KIF6: variants seen among roughly 807,000 people sequenced by gnomAD.
KIF6 encodes kinesin-like protein KIF6.
KIF6 carries 106 observed loss-of-function variants against 112.7 expected under a neutral mutation model. The ratio of observed to expected loss-of-function variants is 0.94; its 90% CI spans 0.80 to 1.11. The LOEUF is 1.11. Ranked by LOEUF, KIF6 falls within the 50% of genes least tolerant of loss-of-function variation. KIF6 has a pLI of 0.00. For missense variants in KIF6, 929 were observed against 964.0 expected, an observed-to-expected ratio of 0.96 and a Z score of 0.48; for synonymous variants, 339 against 339.9, an observed-to-expected ratio of 1.00 and a Z score of 0.03.
At position 39,714,679 on chromosome 6, in the gene KIF6, T is replaced by C. The variant is rs748850843; in HGVS notation, c.251+13A>G. 19 of 1,606,596 alleles carry C rather than the reference T, an allele frequency of 1.2e-5. No individual in the cohort carries two copies. The highest frequency in any genetic ancestry group is 1.5e-5 in the Non-Finnish European group (18 of 1,173,374). On this transcript the variant is annotated intron_variant, in intron 3 of 22. Coordinates refer to ENST00000287152, the MANE Select transcript of KIF6 (RefSeq NM_145027.6). ...AACCACGAGCCCACTGAACAAAATA[T>C]GGGAAATCCTACCTCCCAGCAACTG...
intron 3 of KIF6, among the ~76,000 whole-genome samples, chr6:39,640,772 T>C (rs1784859929): frequency 6.6e-6 from 1 of 152,156 alleles, no homozygotes; most frequent in South Asian, 2.1e-4. Context: ...TATTCTGAAG[T>C]GGTCACTTAT....
At chr6:39,714,268 C>A (rs1789707545) in intron 3 of KIF6, among the ~76,000 whole-genome samples, 1 of 152,128 alleles carries the variant, frequency 6.6e-6, no homozygotes, top group African/African-American at 2.4e-5. Flanking sequence ...CATTAGGCAG[C>A]CTCCCAGGTG....
At position 39,456,841 on chromosome 6, in the gene KIF6, C is replaced by A. The variant is rs1225548645; in HGVS notation, c.1646-25680G>T. Among the ~76,000 whole-genome samples, 22 of 148,180 alleles carry A rather than the reference C, an allele frequency of 1.5e-4. 1 individual carries two copies. In the South Asian group the frequency reaches 3.7e-3, roughly 25 times the overall value. ...GCTAACTATCCTAAATATATATGCA[C>A]CCAATACAGGAGCACCCAGATTCAT... On this transcript the variant is annotated intron_variant, in intron 13 of 22. Transcript: ENST00000287152.
chr6:39,429,231 TC>T (rs1770968750), intron 14 of KIF6, among the ~76,000 whole-genome samples: 1 of 152,214 alleles, frequency 6.6e-6, no homozygotes, highest in Non-Finnish European at 1.5e-5. Context: ...TTTTCCTTCT[TC>T]CGGGTCTACC....
chr6:39,442,982 CG>C (rs1313481294), intron 13 of KIF6, among the ~76,000 whole-genome samples: 1 of 151,618 alleles, frequency 6.6e-6, no homozygotes, highest in Non-Finnish European at 1.5e-5. Flanking sequence ...GGCGTGGTGG[CG>C]GGCACCTGTA....
chr6:39,596,295 C>A, intron 6 of KIF6, 35 bp from the exon 7 acceptor site: 1 of 1,369,188 alleles, frequency 7.3e-7, no homozygotes, highest in Non-Finnish European at 1.0e-6. Flanking sequence ...ATTATTTGAA[C>A]AATGAAAATT....
At chr6:39,500,521 A>G (rs1034457033) in intron 13 of KIF6, among the ~76,000 whole-genome samples, 1 of 152,196 alleles carries the variant, frequency 6.6e-6, no homozygotes, top group Non-Finnish European at 1.5e-5. Flanking sequence ...ATTTTATTAA[A>G]GGTGCTAATT....
At chr6:39,669,683 T>C (rs1441208837) in intron 3 of KIF6, among the ~76,000 whole-genome samples, 3 of 152,246 alleles carry the variant, frequency 2.0e-5, no homozygotes, top group Non-Finnish European at 4.4e-5. Flanking sequence ...TAAGAAGTAC[T>C]GTTCCCCGGA....
chr6:39,661,093 A>T (rs1019270701), intron 3 of KIF6, among the ~76,000 whole-genome samples: 5 of 152,216 alleles, frequency 3.3e-5, no homozygotes, highest in African/African-American at 1.2e-4. Flanking sequence ...ACTGTTTCAA[A>T]ATGAACCTAC....
intron 13 of KIF6, among the ~76,000 whole-genome samples, chr6:39,532,442 G>C (rs1778130337): frequency 6.6e-6 from 1 of 152,108 alleles, no homozygotes; most frequent in Admixed American, 6.5e-5. Flanking sequence ...AATGAATTCA[G>C]CAATCCAGAT....
chr6:39,419,451 G>A (rs1193671927), intron 15 of KIF6, among the ~76,000 whole-genome samples: 1 of 152,070 alleles, frequency 6.6e-6, no homozygotes, highest in Admixed American at 6.6e-5. Context: ...CCTAAGTGGG[G>A]AGCCCTCCGT....
At chr6:39,360,060 T>C (rs1765008502) in intron 18 of KIF6, among the ~76,000 whole-genome samples, 1 of 152,214 alleles carries the variant, frequency 6.6e-6, no homozygotes, top group African/African-American at 2.4e-5. Context: ...TATTCACATA[T>C]ATATGACTAT....
At chr6:39,558,167 G>A (rs1323233001) in intron 10 of KIF6, among the ~76,000 whole-genome samples, 1 of 152,016 alleles carries the variant, frequency 6.6e-6, no homozygotes, top group Non-Finnish European at 1.5e-5. Flanking sequence ...TTGCTGTTAG[G>A]TTCTTGAAAT....
chr6:39,371,661 C>T (rs1342685712), intron 16 of KIF6, among the ~76,000 whole-genome samples: 3 of 152,218 alleles, frequency 2.0e-5, no homozygotes, highest in East Asian at 3.8e-4. Flanking sequence ...AGTTTCCCTA[C>T]ACTCTGCTTA....
intron 10 of KIF6, among the ~76,000 whole-genome samples, chr6:39,546,825 CA>C (rs35366749): frequency 0.3 from 31,380 of 104,040 alleles, 4,043 homozygotes; most frequent in African/African-American, 0.43. Flanking sequence ...GACCCTGTCT[CA>C]AAAAAAAAAA....
chr6:39,368,561 G>A (rs967610039), intron 16 of KIF6, among the ~76,000 whole-genome samples: 1 of 152,204 alleles, frequency 6.6e-6, no homozygotes, highest in African/African-American at 2.4e-5. Flanking sequence ...ATCTGGGGCT[G>A]GGGCTGAGAG....
At chr6:39,439,045 T>A (rs909189258) in intron 13 of KIF6, among the ~76,000 whole-genome samples, 1 of 152,196 alleles carries the variant, frequency 6.6e-6, no homozygotes, top group African/African-American at 2.4e-5. Context: ...GTCTATACTA[T>A]CTAGGTTTCT....
chr6:39,430,599 G>A (rs1771082336), intron 14 of KIF6, among the ~76,000 whole-genome samples: 1 of 152,184 alleles, frequency 6.6e-6, no homozygotes, highest in Admixed American at 6.5e-5. Flanking sequence ...ATTTTGGCCT[G>A]GAGAAGACAC....
chr6:39,715,966 G>A (rs1789826080), intron 2 of KIF6, among the ~76,000 whole-genome samples: 1 of 152,096 alleles, frequency 6.6e-6, no homozygotes, highest in South Asian at 2.1e-4. Flanking sequence ...TGAGGTCTGA[G>A]CACATATTCT....
Sources: gnomAD v4.1 joint callset for allele counts (sites outside exome capture counted in the v4.1 genomes callset) on GRCh38, gnomAD v4.1.1 for gene constraint, MANE v1.5 for transcripts, NCBI Gene and HGNC (gene_info 2026-07-23, HGNC 2026-07-21) for gene names.